Variants in HPSE observed in about 807,000 individuals in gnomAD.
HPSE encodes the protein endo-glucoronidase.
Under a neutral mutation model 65.1 loss-of-function variants are expected in HPSE, and 48 were observed. The observed-to-expected ratio is 0.74, with a 90% confidence interval of 0.58 to 0.94. The LOEUF is 0.94. Among genes scored for constraint, HPSE ranks in the 40% least tolerant of loss-of-function variants. The pLI is 0.00. For missense variants in HPSE, 644 were observed against 637.5 expected, an observed-to-expected ratio of 1.01 and a Z score of -0.11; for synonymous variants, 243 against 260.0, an observed-to-expected ratio of 0.93 and a Z score of 0.63.
At position 83,309,383 on chromosome 4, in the gene HPSE, A is replaced by G; in HGVS notation, c.984+19T>C. ...TAAGGATTCTGGTTTTACATTAAAA[A>G]GTTTAAAAAGACTATTACCTGGAAA... On this transcript the variant is annotated intron_variant, in intron 7 of 11. Coordinates refer to ENST00000311412, the MANE Select transcript of HPSE (RefSeq NM_001098540.3). The G allele has an allele frequency of 7.9e-7, 1 of 1,272,060 alleles. No individual in the cohort carries two copies. Among genetic ancestry groups the G allele is most frequent in the Non-Finnish European group, 1.1e-6 (1 of 889,352 alleles). 78.8% of individuals were successfully genotyped at this position (1,272,060 alleles called of 1,614,324 possible).
At chr4:83,306,802 TACA>T (rs1736161608) in intron 8 of HPSE, among the ~76,000 whole-genome samples, 1 of 152,154 alleles carries the variant, frequency 6.6e-6, no homozygotes, top group Non-Finnish European at 1.5e-5. Flanking sequence ...ACAAATTAGC[TACA>T]ACATTAGAGA....
chr4:83,303,398 A>G (rs1184323026), intron 9 of HPSE, among the ~76,000 whole-genome samples: 2 of 151,732 alleles, frequency 1.3e-5, no homozygotes, highest in Non-Finnish European at 2.9e-5. Context: ...TAATATATGG[A>G]CCTTGTTTGG....
In HPSE at chr4:83,334,833, C is replaced by A. The variant is rs1202377337; in HGVS notation, c.-51G>T. 37 of 1,468,262 alleles carry A rather than the reference C, an allele frequency of 2.5e-5. No homozygotes were observed. Among genetic ancestry groups the A allele is most frequent in the Non-Finnish European group, 3.1e-5 (34 of 1,112,974 alleles). 91.0% of individuals were successfully genotyped at this position (1,468,262 alleles called of 1,614,324 possible). On this transcript the variant is annotated 5_prime_UTR_variant, in exon 1 of 12. Coordinates refer to ENST00000311412, the MANE Select transcript of HPSE (RefSeq NM_001098540.3). Reference sequence around the variant, plus strand: ...CGCCAGCTGCCGCGCAGCGGAGAGTCGAGAGCTCTAGCACTTCCTCCCGCC... The same window carrying A: ...CGCCAGCTGCCGCGCAGCGGAGAGTAGAGAGCTCTAGCACTTCCTCCCGCC...
chr4:83,323,158 G>T (rs72938123), intron 1 of HPSE, among the ~76,000 whole-genome samples: 3,696 of 152,152 alleles, frequency 0.024, 145 homozygotes, highest in African/African-American at 0.083. Context: ...CAGGGGCTGG[G>T]GGTGGAAATG....
At chr4:83,303,742 T>G (rs1480230220) in intron 9 of HPSE, among the ~76,000 whole-genome samples, 1 of 152,062 alleles carries the variant, frequency 6.6e-6, no homozygotes, top group East Asian at 1.9e-4. Flanking sequence ...TTGCCGTAGC[T>G]GGTCTTGAAC....
chr4:83,301,911 T>G (rs1735962300), intron 10 of HPSE, among the ~76,000 whole-genome samples: 1 of 152,106 alleles, frequency 6.6e-6, no homozygotes, highest in Non-Finnish European at 1.5e-5. Context: ...GAGCTGAGAT[T>G]GCACCACTGC....
intron 2 of HPSE, among the ~76,000 whole-genome samples, chr4:83,320,085 C>CA (rs1230327694): frequency 7.5e-6 from 1 of 132,800 alleles, no homozygotes; most frequent in East Asian, 2.4e-4. Flanking sequence ...ATGAAGAAAA[C>CA]ATAGTGCAGT....
chr4:83,316,241 A>G (rs4693605), intron 3 of HPSE, among the ~76,000 whole-genome samples: 120,858 of 151,616 alleles, frequency 0.8, 48,332 homozygotes, highest in East Asian at 0.87. Flanking sequence ...TGGCCAGGCT[A>G]GTCTTGAACT....
chr4:83,334,442 G>A, intron 1 of HPSE, 114 bp downstream of exon 1: 2 of 1,198,262 alleles, frequency 1.7e-6, no homozygotes, highest in Non-Finnish European at 2.3e-6. Flanking sequence ...AGAGACAGGC[G>A]GGGAGGTTCC....
intron 7 of HPSE, among the ~76,000 whole-genome samples, 200 bp from the exon 8 acceptor site, chr4:83,309,151 G>A (rs537811821): frequency 6.6e-6 from 1 of 152,160 alleles, no homozygotes; most frequent in Non-Finnish European, 1.5e-5. Flanking sequence ...GGAACATGAA[G>A]TGAACCAACC....
chr4:83,316,529 A>C (rs1192641444), intron 3 of HPSE, among the ~76,000 whole-genome samples: 3 of 152,206 alleles, frequency 2.0e-5, no homozygotes, highest in African/African-American at 7.2e-5. Flanking sequence ...AAAATGGCAG[A>C]TCTTTCCCTT....
intron 1 of HPSE, among the ~76,000 whole-genome samples, chr4:83,329,655 T>C (rs1737290115): frequency 6.6e-6 from 1 of 152,202 alleles, no homozygotes; most frequent in African/African-American, 2.4e-5. Context: ...TGTCACTGAA[T>C]ACAGAGTTGA....
Position 83,308,949 on chromosome 4 carries a change from C to T in HPSE, c.987G>A (p.Val329=), listed in dbSNP as rs371192414. 5.0e-6 allele frequency: 8 copies of T among 1,613,562 alleles called. No homozygotes were observed. The East Asian group carries it at 8.9e-5, about 18-fold the overall frequency. Residue 329 remains valine (V), a splice_region_variant and synonymous_variant, in exon 8 of 12, where the codon GTG becomes GTA. Transcript: ENST00000311412. ...FISSVQKVFQ[V]VESTRPGKKV... is the part of the protein sequence containing the mutation. ...TCTTGCCAGGCCTGGTGCTCTCAAC[C>T]ACCTATAGAACAGAAAAGTATCCAT...
At chr4:83,318,484 A>C (rs1406846100) in intron 3 of HPSE, among the ~76,000 whole-genome samples, 1 of 152,086 alleles carries the variant, frequency 6.6e-6, no homozygotes, top group South Asian at 2.1e-4. Flanking sequence ...AATACAAAAA[A>C]TTAGCCGGTC....
chr4:83,296,366 TTAAA>T (rs1735722080), intron 11 of HPSE, among the ~76,000 whole-genome samples: 1 of 152,116 alleles, frequency 6.6e-6, no homozygotes. Context: ...TTAGCACTCT[TTAAA>T]TATTGAAAAC....
intron 1 of HPSE, among the ~76,000 whole-genome samples, chr4:83,334,300 AATATACCC>A (rs1354974722): frequency 6.6e-6 from 1 of 152,182 alleles, no homozygotes; most frequent in Non-Finnish European, 1.5e-5. Context: ...ACCACAATGC[AATATACCC>A]ATGGAACAGA....
intron 10 of HPSE, among the ~76,000 whole-genome samples, chr4:83,301,528 A>G (rs1043881120): frequency 6.6e-6 from 1 of 152,234 alleles, no homozygotes; most frequent in African/African-American, 2.4e-5. Flanking sequence ...ACTGAAATGT[A>G]TAAGAAAATT....
At chr4:83,301,241 A>G (rs1735937053) in intron 10 of HPSE, 135 bp from the exon 11 acceptor site, 1 of 532,488 alleles carries the variant, frequency 1.9e-6, no homozygotes, top group East Asian at 3.2e-5. Context: ...AGGATCCATA[A>G]TGACAGTGGG....
chr4:83,297,786 T>A (rs190300177), intron 11 of HPSE, among the ~76,000 whole-genome samples: 73 of 152,214 alleles, frequency 4.8e-4, no homozygotes, highest in Admixed American at 1.6e-3. Flanking sequence ...AATTTTTAGA[T>A]GGAGTGAAGG....
Sources: allele counts gnomAD v4.1 joint callset (sites outside exome capture counted in the v4.1 genomes callset), GRCh38; gene constraint gnomAD v4.1.1; transcripts MANE v1.5; gene names NCBI Gene and HGNC (gene_info 2026-07-23, HGNC 2026-07-21).